Variants in ALKBH5 observed in about 807,000 individuals in gnomAD.
ALKBH5 encodes RNA demethylase ALKBH5.
A neutral mutation model predicts 32.1 loss-of-function variants in ALKBH5; 2 were observed. The ratio of observed to expected loss-of-function variants is 0.06; its 90% confidence interval spans 0.03 to 0.20. The LOEUF (loss-of-function observed/expected upper bound fraction) is 0.20, where lower values mean the gene tolerates loss of function less well. ALKBH5 is among the 10% of genes least tolerant of loss of function. The pLI, the probability that ALKBH5 is intolerant of heterozygous loss-of-function variation, is 1.00. For missense variants in ALKBH5, 352 were observed against 559.5 expected, an observed-to-expected ratio of 0.63 and a Z score of 3.74; for synonymous variants, 300 against 231.7, an observed-to-expected ratio of 1.29 and a Z score of -2.68.
At chr17:18,191,188 T>A (rs1461447312) in intron 1 of ALKBH5, among the ~76,000 whole-genome samples, 1 of 152,262 alleles carries the variant, frequency 6.6e-6, no homozygotes, top group African/African-American at 2.4e-5. Context: ...CTGTGGTCTC[T>A]GCTCGACATT....
chr17:18,201,464 T>C (rs1287875404), intron 2 of ALKBH5, among the ~76,000 whole-genome samples: 2 of 152,216 alleles, frequency 1.3e-5, no homozygotes, highest in Non-Finnish European at 2.9e-5. Flanking sequence ...GGTGGTCTTC[T>C]AAACTCTTCC....
intron 2 of ALKBH5, among the ~76,000 whole-genome samples, chr17:18,202,399 G>T (rs1439940719): frequency 6.6e-6 from 1 of 152,138 alleles, no homozygotes; most frequent in African/African-American, 2.4e-5. Flanking sequence ...TGAGGGGAGT[G>T]GGTACTACTG....
rs74858480 is a variant in ALKBH5 at position 18,198,428 on chromosome 17, G to T, written c.851+3393G>T. On this transcript the variant is annotated intron_variant, in intron 2 of 3. Coordinates refer to ENST00000399138, the MANE Select transcript of ALKBH5 (RefSeq NM_017758.4). ...CATGGGTTTGTCTTGGGAAAGGACG[G>T]GTTGTGACAAGTTTAAAAAGGGGAG... is the stretch of plus-strand genomic sequence containing the variant. Among the ~76,000 whole-genome samples, 748 of 152,292 alleles carry T rather than the reference G, an allele frequency of 4.9e-3. 8 individuals carry two copies. The highest frequency in any genetic ancestry group is 0.017 in the African/African-American group (706 of 41,558).
chr17:18,185,923 G>A (rs1230478285), intron 1 of ALKBH5, among the ~76,000 whole-genome samples: 1 of 152,150 alleles, frequency 6.6e-6, no homozygotes, highest in Non-Finnish European at 1.5e-5. Context: ...AACATCTTAG[G>A]TTTAGACCGC....
intron 1 of ALKBH5, among the ~76,000 whole-genome samples, chr17:18,193,314 G>A (rs2047188092): frequency 1.3e-5 from 2 of 152,020 alleles, no homozygotes; most frequent in Non-Finnish European, 2.9e-5. Context: ...TTGGGAGGCC[G>A]AGGCTGGCGG....
Position 18,206,918 on chromosome 17 carries a change from G to T in ALKBH5, c.955G>T (p.Ala319Ser). ...CCTGTCAGGAAACAACAGGGACCCTGCTCTGAAACCCAAGCGGTCCCACCG... is the reference window on the plus strand; with the variant it reads ...CCTGTCAGGAAACAACAGGGACCCTTCTCTGAAACCCAAGCGGTCCCACCG... Reference protein sequence around the residue: ...DRLSGNNRDPALKPKRSHRKA... With the variant: ...DRLSGNNRDPSLKPKRSHRKA... The change falls in exon 3 of 4, where the codon GCT (alanine) becomes TCT (serine). Residue 319 changes from alanine to serine, a missense_variant. Physicochemically the swap from Ala to Ser is moderately conservative, Grantham distance 99. This residue lies in a region of ALKBH5 where 124 missense variants were observed against 142.4 expected (regional missense o/e 0.87). Coordinates refer to ENST00000399138, the MANE Select transcript of ALKBH5 (RefSeq NM_017758.4). 1 of 1,614,268 alleles carries T rather than the reference G, an allele frequency of 6.2e-7. No individual in the cohort carries two copies. The highest frequency in any genetic ancestry group is 1.1e-5 in the South Asian group (1 of 91,090).
Position 18,185,113 on chromosome 17 carries a change from G to A in ALKBH5, c.770+100G>A, listed in dbSNP as rs2047130257. 1.7e-5 allele frequency: 26 copies of A among 1,498,274 alleles called. No homozygotes were observed. In the South Asian group the frequency reaches 3.3e-4, roughly 19 times the overall value. The allele number at this position is 1,498,274 out of a possible 1,614,324, so 92.8% of individuals were successfully genotyped here. A position where few individuals can be genotyped will look rare whatever the true frequency, so the allele number is the denominator to read the frequency against. On this transcript the variant is annotated intron_variant, in intron 1 of 3. Coordinates refer to ENST00000399138, the MANE Select transcript of ALKBH5 (RefSeq NM_017758.4). The stretch of plus-strand genomic sequence containing the variant: ...CCCGTAGGAGTCTGCGTTTTTTACA[G>A]TTCTGACCAGTTCTTCTGTTTGTAG...
chr17:18,189,322 C>T (rs2047159556), intron 1 of ALKBH5, among the ~76,000 whole-genome samples: 1 of 152,162 alleles, frequency 6.6e-6, no homozygotes, highest in Non-Finnish European at 1.5e-5. Context: ...GCGGAGCTTG[C>T]AGTGAACCGA....
intron 2 of ALKBH5, 106 bp from the exon 3 acceptor site, chr17:18,206,709 T>C: frequency 3.9e-6 from 5 of 1,276,288 alleles, no homozygotes; most frequent in Non-Finnish European, 5.5e-6. Context: ...ACTGCTGGCT[T>C]CCAGGTCTAG....
chr17:18,190,549 CG>C (rs1311714013), intron 1 of ALKBH5, among the ~76,000 whole-genome samples: 1 of 101,556 alleles, frequency 9.8e-6, no homozygotes, highest in Non-Finnish European at 2.0e-5. Flanking sequence ...ACTCTGTTTC[CG>C]AAAAAAAAAA....
At chr17:18,185,540 C>T (rs111456868) in intron 1 of ALKBH5, among the ~76,000 whole-genome samples, 3 of 152,120 alleles carry the variant, frequency 2.0e-5, no homozygotes, top group African/African-American at 2.4e-5. Flanking sequence ...AGTGACTTCC[C>T]TGGAGTTGAA....
intron 1 of ALKBH5, among the ~76,000 whole-genome samples, chr17:18,193,330 G>A (rs1393531498): frequency 2.6e-5 from 4 of 151,936 alleles, no homozygotes; most frequent in East Asian, 3.9e-4. Context: ...GGCGGATCAC[G>A]AGGTCAGGAG....
chr17:18,204,986 G>A lies in ALKBH5; in HGVS notation c.852-1829G>A, dbSNP rs549756156. Among the ~76,000 whole-genome samples, 9 of 152,128 alleles carry A rather than the reference G, an allele frequency of 5.9e-5. No individual in the cohort carries two copies. The South Asian group carries it at 1.7e-3, about 28-fold the overall frequency. ...GATCCCTTAAGCCTAGGAGTTCAAGGCTGCAGTGAGTTATGATCATACCAC... is the reference window on the plus strand; with the variant it reads ...GATCCCTTAAGCCTAGGAGTTCAAGACTGCAGTGAGTTATGATCATACCAC... On this transcript the variant is annotated intron_variant, in intron 2 of 3. Transcript: ENST00000399138.
At chr17:18,185,056 T>G in intron 1 of ALKBH5, 43 bp downstream of exon 1, 1 of 1,577,488 alleles carries the variant, frequency 6.3e-7, no homozygotes, top group Non-Finnish European at 8.6e-7. Context: ...GCCTGCTGCC[T>G]TAGCTACCCA....
At chr17:18,195,992 G>T (rs187032194) in intron 2 of ALKBH5, among the ~76,000 whole-genome samples, 58 of 152,128 alleles carry the variant, frequency 3.8e-4, no homozygotes, top group African/African-American at 1.3e-3. Flanking sequence ...ACAGACAATT[G>T]TGATAGTACA....
At chr17:18,205,029 G>A (rs958250541) in intron 2 of ALKBH5, among the ~76,000 whole-genome samples, 1 of 151,934 alleles carries the variant, frequency 6.6e-6, no homozygotes, top group Non-Finnish European at 1.5e-5. Context: ...CAGACTGGGC[G>A]ACAGAGCAAA....
chr17:18,204,395 G>A (rs1162473494), intron 2 of ALKBH5, among the ~76,000 whole-genome samples: 5 of 150,968 alleles, frequency 3.3e-5, no homozygotes, highest in South Asian at 2.1e-4. Flanking sequence ...AGGTTGCAGT[G>A]AGCCAAGATC....
rs1290928415 is a variant in ALKBH5 at position 18,208,526 on chromosome 17, T to C, written c.*130T>C. ...GTTTTTTGTTTTTTTTGATTCTATA[T>C]ATTTTTCCTTGGTTTTGTTGCCTGT... On this transcript the variant is annotated 3_prime_UTR_variant, in exon 4 of 4. Transcript: ENST00000399138. 4 of 1,133,050 alleles carry C rather than the reference T, an allele frequency of 3.5e-6. No individual in the cohort carries two copies. The African/African-American group carries it at 4.7e-5, about 13-fold the overall frequency. The allele number at this position is 1,133,050 out of a possible 1,614,324, so 70.2% of individuals were successfully genotyped here. A position where few individuals can be genotyped will look rare whatever the true frequency, so the allele number is the denominator to read the frequency against.
intron 1 of ALKBH5, 130 bp downstream of exon 1, chr17:18,185,143 T>C (rs1567673110): frequency 6.9e-7 from 1 of 1,449,674 alleles, no homozygotes; most frequent in South Asian, 1.4e-5. Flanking sequence ...TTGTAGATTG[T>C]AGGGAGCGAG....
Sources: allele counts gnomAD v4.1 joint callset (sites outside exome capture counted in the v4.1 genomes callset), GRCh38; gene constraint gnomAD v4.1.1; regional missense constraint gnomAD v4.1.1; transcripts MANE v1.5; gene names NCBI Gene and HGNC (gene_info 2026-07-23, HGNC 2026-07-21).